CENPW: variants seen among roughly 807,000 people sequenced by gnomAD.
The protein encoded by CENPW is cancer-up-regulated gene 2 protein.
CENPW carries 3 observed loss-of-function variants against 11.1 expected under a neutral mutation model. The observed-to-expected ratio is 0.27, with a 90% CI of 0.12 to 0.70. The LOEUF is 0.70. CENPW is among the 30% of genes least tolerant of loss of function. The pLI is 0.77. For missense variants in CENPW, 100 were observed against 105.6 expected (o/e 0.95, Z 0.23); for synonymous variants, 38 against 42.0 (o/e 0.91, Z 0.37).
the CENPW span, among the ~76,000 whole-genome samples, chr6:126,408,458 C>A: frequency 2.0e-4 from 31 of 152,180 alleles, no homozygotes; most frequent in African/African-American, 6.7e-4. Flanking sequence ...ATGGGGAAGA[C>A]CTGCTCCCAT....
the CENPW span, among the ~76,000 whole-genome samples, chr6:126,395,360 A>T: frequency 1.3e-5 from 2 of 152,006 alleles, no homozygotes; most frequent in African/African-American, 2.4e-5. Context: ...TGCATTTTTC[A>T]GTTCCAGAAT....
chr6:126,482,482 T>C, the CENPW span, among the ~76,000 whole-genome samples: 4 of 151,962 alleles, frequency 2.6e-5, no homozygotes, highest in African/African-American at 9.7e-5. Context: ...AAGTCTTGTT[T>C]TATATTTCAC....
At position 126,346,169 on chromosome 6, in the gene CENPW, G is replaced by C. The variant is rs767749028; in HGVS notation, c.127-36G>C. 4 of 1,244,504 alleles carry C rather than the reference G, an allele frequency of 3.2e-6. No individual in the cohort carries two copies. The East Asian group carries it at 9.5e-5, about 29-fold the overall frequency. 77.1% of individuals were successfully genotyped at this position (1,244,504 alleles called of 1,614,324 possible). A position where few individuals can be genotyped will look rare whatever the true frequency, so the allele number is the denominator to read the frequency against. On this transcript the variant is annotated intron_variant, in intron 1 of 2. Coordinates refer to ENST00000368328, the MANE Select transcript of CENPW (RefSeq NM_001012507.4). ...ATATTATTTCAATGCATCAGTATTT[G>C]AGCTTAAAAATCCACTTGGATTTTC...
chr6:126,399,667 TTC>T, the CENPW span, among the ~76,000 whole-genome samples: 1 of 152,058 alleles, frequency 6.6e-6, no homozygotes, highest in African/African-American at 2.4e-5. Flanking sequence ...TTTTATGAGT[TTC>T]TCTTTTGATT....
chr6:126,461,902 C>A, the CENPW span, among the ~76,000 whole-genome samples: 1 of 151,828 alleles, frequency 6.6e-6, no homozygotes, highest in Non-Finnish European at 1.5e-5. Context: ...GGTAACAATC[C>A]TGAATTATAC....
At chr6:126,454,831 A>G in the CENPW span, among the ~76,000 whole-genome samples, 54 of 151,218 alleles carry the variant, frequency 3.6e-4, no homozygotes, top group Non-Finnish European at 4.9e-4. Flanking sequence ...CACTAGCTAG[A>G]CAAATAAAAA....
chr6:126,429,351 C>A, the CENPW span, among the ~76,000 whole-genome samples: 1 of 152,088 alleles, frequency 6.6e-6, no homozygotes, highest in Non-Finnish European at 1.5e-5. Context: ...GAACTGTAAT[C>A]CCCAATGTTG....
At chr6:126,358,076 CTT>C in the CENPW span, among the ~76,000 whole-genome samples, 4 of 152,110 alleles carry the variant, frequency 2.6e-5, no homozygotes, top group Non-Finnish European at 4.4e-5. Flanking sequence ...TATTCTGAAA[CTT>C]TGCTAAATTT....
the CENPW span, among the ~76,000 whole-genome samples, chr6:126,379,654 T>C: frequency 6.6e-6 from 1 of 152,324 alleles, no homozygotes; most frequent in Admixed American, 6.5e-5. Flanking sequence ...TAAGTCAAAG[T>C]TGTTGCAAAT....
At chr6:126,455,804 C>G in the CENPW span, among the ~76,000 whole-genome samples, 1 of 151,174 alleles carries the variant, frequency 6.6e-6, no homozygotes, top group Non-Finnish European at 1.5e-5. Flanking sequence ...TGACATGAAT[C>G]TATATCTAGA....
the CENPW span, among the ~76,000 whole-genome samples, chr6:126,415,569 C>T: frequency 2.6e-5 from 4 of 151,978 alleles, no homozygotes; most frequent in Admixed American, 2.0e-4. Flanking sequence ...TATGGTTTGG[C>T]TGTGTCCCCA....
the CENPW span, among the ~76,000 whole-genome samples, chr6:126,375,288 C>T: frequency 6.6e-6 from 1 of 152,128 alleles, no homozygotes; most frequent in Admixed American, 6.6e-5. Context: ...ATAATATGTG[C>T]ACTCTGAAAC....
At chr6:126,360,910 G>A in the CENPW span, among the ~76,000 whole-genome samples, 1 of 117,920 alleles carries the variant, frequency 8.5e-6, no homozygotes, top group Non-Finnish European at 1.9e-5. Context: ...TTCTGTGTGT[G>A]TCATTTTGGT....
the CENPW span, among the ~76,000 whole-genome samples, chr6:126,455,806 A>G: frequency 6.6e-6 from 1 of 151,382 alleles, no homozygotes; most frequent in African/African-American, 2.4e-5. Context: ...ACATGAATCT[A>G]TATCTAGAAA....
At chr6:126,345,109 A>C (rs1780383315) in intron 1 of CENPW, among the ~76,000 whole-genome samples, 1 of 151,870 alleles carries the variant, frequency 6.6e-6, no homozygotes, top group Non-Finnish European at 1.5e-5. Flanking sequence ...AGCTCACTTC[A>C]CATTTTCTTC....
chr6:126,472,811 A>T, the CENPW span, among the ~76,000 whole-genome samples: 2 of 152,202 alleles, frequency 1.3e-5, no homozygotes, highest in Non-Finnish European at 2.9e-5. Flanking sequence ...ACTTGGTAAG[A>T]TCAGTCTTTT....
chr6:126,470,218 C>T, the CENPW span, among the ~76,000 whole-genome samples: 5 of 152,222 alleles, frequency 3.3e-5, no homozygotes, highest in African/African-American at 1.2e-4. Flanking sequence ...GTGCCTGCTC[C>T]TCTGCGCAGC....
chr6:126,360,796 G>A, the CENPW span, among the ~76,000 whole-genome samples: 1 of 151,768 alleles, frequency 6.6e-6, no homozygotes, highest in Non-Finnish European at 1.5e-5. Context: ...TCTTATAATG[G>A]TTATTTCATC....
the CENPW span, among the ~76,000 whole-genome samples, chr6:126,367,488 G>A: frequency 6.6e-6 from 1 of 151,932 alleles, no homozygotes; most frequent in Non-Finnish European, 1.5e-5. Context: ...GGATAAAGGA[G>A]GGTTGACAAC....
Sources: gnomAD v4.1 joint callset for allele counts (sites outside exome capture counted in the v4.1 genomes callset) on GRCh38, gnomAD v4.1.1 for gene constraint, MANE v1.5 for transcripts, NCBI Gene and HGNC (gene_info 2026-07-23, HGNC 2026-07-21) for gene names.